TLCD2: variants seen among roughly 807,000 people sequenced by gnomAD.
TLCD2 encodes the protein TLC domain-containing protein 2.
Under a neutral mutation model 14.0 loss-of-function variants are expected in TLCD2, and 12 were observed. The ratio of observed to expected loss-of-function variants is 0.86; its 90% CI spans 0.55 to 1.39. The LOEUF is 1.39. Ranked by LOEUF, TLCD2 falls within the 40% of genes most tolerant of loss-of-function variation. TLCD2 has a pLI of 0.00. For missense variants in TLCD2, 360 were observed against 346.8 expected (o/e 1.04, Z -0.30); for synonymous variants, 166 against 156.5 (o/e 1.06, Z -0.45).
chr17:1,707,873 G>A lies in TLCD2; in HGVS notation c.692C>T (p.Pro231Leu). 1 of 1,537,222 alleles carries A rather than the reference G, an allele frequency of 6.5e-7. No homozygotes were observed. The highest frequency in any genetic ancestry group is 8.7e-7 in the Non-Finnish European group (1 of 1,146,914). Residue 231 changes from proline to leucine, a missense_variant, in exon 4 of 4, where the codon CCC becomes CTC. Physicochemically the swap from Pro to Leu is moderately conservative, Grantham distance 98. Transcript: ENST00000330676. ...ILVNDVLQSR[P>L]HPPSPGHEKT... ...CTCATGGCCAGGGCTGGGTGGATGG[G>A]GTCGAGACTGTAGGACATCATTGAC...
chr17:1,709,187 G>A (rs867049977), intron 3 of TLCD2, among the ~76,000 whole-genome samples: 2 of 152,042 alleles, frequency 1.3e-5, no homozygotes, highest in Non-Finnish European at 1.5e-5. Flanking sequence ...TCAGAAGTTC[G>A]AGACCAGCCT....
At chr17:1,708,306 T>C (rs1490115810) in intron 3 of TLCD2, 84 bp from the exon 4 acceptor site, 11 of 1,088,646 alleles carry the variant, frequency 1.0e-5, no homozygotes, top group Non-Finnish European at 1.4e-5. Flanking sequence ...AGAAAGAGGC[T>C]TCCACGCAGT....
Position 1,707,926 on chromosome 17 carries a change from C to T in TLCD2, c.639G>A (p.Met213Ile). ...GAATACGGATCCCCAATATGATGCT[C>T]ATGATGCCCACAGTGACCAGCCCAA... is the stretch of plus-strand genomic sequence containing the variant. ...GGIGLVTVGI[M>I]SIILGIRILV... Residue 213 changes from methionine (M) to isoleucine (I), a missense_variant, in exon 4 of 4, where the codon ATG (methionine) becomes ATA (isoleucine). Transcript: ENST00000330676. 6.5e-7 allele frequency: 1 copy of T among 1,537,314 alleles called. No individual in the cohort carries two copies. The highest frequency in any genetic ancestry group is 8.7e-7 in the Non-Finnish European group (1 of 1,146,926).
In TLCD2 at chr17:1,708,122, C is replaced by T. The variant is rs542227481; in HGVS notation, c.443G>A (p.Arg148Gln). ...CTGGCGAGAAAGCAACAGCAGCTTC[C>T]GCAGGTGCAAGCAGGCAGAGTTCAG... Reference protein sequence around the residue: ...LELNSACLHLRKLLLLSRQAP... With the variant: ...LELNSACLHLQKLLLLSRQAP... The change falls in exon 4 of 4, where the codon CGG (arginine) becomes CAG (glutamine). Residue 148 changes from arginine (R) to glutamine (Q), a missense_variant. Transcript: ENST00000330676. 37 of 1,536,968 alleles carry T rather than the reference C, an allele frequency of 2.4e-5. No individual in the cohort carries two copies. Among genetic ancestry groups the T allele is most frequent in the East Asian group, 1.5e-4 (6 of 40,910 alleles).
chr17:1,707,657 T>G lies in TLCD2; in HGVS notation c.*113A>C. 1.5e-5 allele frequency: 12 copies of G among 805,290 alleles called. No homozygotes were observed. Among genetic ancestry groups the G allele is most frequent in the Non-Finnish European group, 2.2e-5 (12 of 543,464 alleles). 49.9% of individuals were successfully genotyped at this position (805,290 alleles called of 1,614,324 possible). A position where few individuals can be genotyped will look rare whatever the true frequency, so the allele number is the denominator to read the frequency against. On this transcript the variant is annotated 3_prime_UTR_variant, in exon 4 of 4. Coordinates refer to ENST00000330676, the MANE Select transcript of TLCD2 (RefSeq NM_001164407.2). ...GATGTGAGTTAGCTGGAAGAGAAAC[T>G]GAGATTCTGATGAGCAAGTCTGGCC...
At chr17:1,709,943 G>T in intron 1 of TLCD2, 57 bp from the exon 2 acceptor site, 8 of 1,512,982 alleles carry the variant, frequency 5.3e-6, no homozygotes, top group South Asian at 1.2e-5. Flanking sequence ...CGAGGCCCCG[G>T]CCGCAGTCTC....
Position 1,710,283 on chromosome 17 carries a change from C to A in TLCD2, c.-41G>T, listed in dbSNP as rs762459310. On this transcript the variant is annotated 5_prime_UTR_variant, in exon 1 of 4. Transcript: ENST00000330676. The surrounding 1 kb of genome is among the most constrained non-coding windows in gnomAD (Gnocchi z 6.1). The stretch of plus-strand genomic sequence containing the variant: ...GGGTTGCGGGGAGTCCGGGTCGGTC[C>A]CCTCGGCGCCCGCGCTCTCGGCCGG... 1.3e-5 allele frequency: 18 copies of A among 1,424,732 alleles called. No homozygotes were observed. The South Asian group carries it at 2.5e-4, about 20-fold the overall frequency. The allele number at this position is 1,424,732 out of a possible 1,614,324, so 88.3% of individuals were successfully genotyped here. A position where few individuals can be genotyped will look rare whatever the true frequency, so the allele number is the denominator to read the frequency against.
rs1254633086 is a variant in TLCD2 at position 1,710,079 on chromosome 17, C to T, written c.164G>A (p.Gly55Glu). ...CCCAAGCCCGCACCCGAGCAGCGCC[C>T]CGGTCCCCGAGAGCAGGCTGTGCGC... The part of the protein sequence containing the change: ...SLAHSLLSGT[G>E]ALLGLSLYPQ... The change falls in exon 1 of 4, where the codon GGG becomes GAG. Residue 55 changes from glycine to glutamate, a missense_variant. By Grantham distance (98) the Gly-to-Glu change is moderately conservative. Transcript: ENST00000330676. The surrounding 1 kb of genome is among the most constrained non-coding windows in gnomAD (Gnocchi z 6.1). 3 of 1,533,086 alleles carry T rather than the reference C, an allele frequency of 2.0e-6. No individual in the cohort carries two copies. Among genetic ancestry groups the T allele is most frequent in the East Asian group, 2.4e-5 (1 of 40,880 alleles). The allele number at this position is 1,533,086 out of a possible 1,614,324, so 95.0% of individuals were successfully genotyped here.
At chr17:1,708,300 AGAGGCT>A in intron 3 of TLCD2, 78 bp from the exon 4 acceptor site, 1 of 1,165,742 alleles carries the variant, frequency 8.6e-7, no homozygotes. Context: ...GCCTGAAGAA[AGAGGCT>A]TCCACGCAGT....
chr17:1,707,781 G>C lies in TLCD2; in HGVS notation c.784C>G (p.Leu262Val), dbSNP rs749209251. 1.3e-6 allele frequency: 2 copies of C among 1,494,362 alleles called. No homozygotes were observed. Among genetic ancestry groups the C allele is most frequent in the South Asian group, 2.6e-5 (2 of 76,374 alleles). The allele number at this position is 1,494,362 out of a possible 1,614,324, so 92.6% of individuals were successfully genotyped here. The change falls in exon 4 of 4, where the codon CTG (leucine) becomes GTG (valine). Residue 262 changes from leucine (L) to valine (V), a missense_variant. Leu to Val is a conservative substitution (Grantham distance 32, BLOSUM62 1). Coordinates refer to ENST00000330676, the MANE Select transcript of TLCD2 (RefSeq NM_001164407.2). ...CCCATGGCTTCTCTCTAGTCTTTCA[G>C]GCTGAGAGTCGAACTGTTGCTGGTG... is the stretch of plus-strand genomic sequence containing the variant. The part of the protein sequence containing the change: ...PVTSNSSTLS[L>V]KD
chr17:1,708,611 A>T (rs894049672), intron 3 of TLCD2, among the ~76,000 whole-genome samples: 3 of 150,072 alleles, frequency 2.0e-5, no homozygotes, highest in African/African-American at 7.4e-5. Flanking sequence ...CTCAGCTTCC[A>T]GAGTAGCTGG....
In TLCD2 at chr17:1,710,133, C is replaced by T. The variant is rs1354402732; in HGVS notation, c.110G>A (p.Trp37Ter). The T allele has an allele frequency of 1.3e-6, 2 of 1,533,362 alleles. No homozygotes were observed. The highest frequency in any genetic ancestry group is 1.2e-5 in the South Asian group (1 of 83,958). The allele number at this position is 1,533,362 out of a possible 1,614,324, so 95.0% of individuals were successfully genotyped here. ...PTPESAARDR[W>*]QWWNLCVSLA... ...GGAGACGCAGAGGTTCCACCACTGCCAGCGGTCCCGAGCGGCCGATTCCGG... is the reference window on the plus strand; with the variant it reads ...GGAGACGCAGAGGTTCCACCACTGCTAGCGGTCCCGAGCGGCCGATTCCGG... The change falls in exon 1 of 4, where the codon TGG (tryptophan) becomes TAG (stop). Residue 37 changes from tryptophan to a stop codon, truncating the protein, a stop_gained. Transcript: ENST00000330676. LOFTEE classifies it high-confidence loss of function. This position sits in a 1 kb window ranked among gnomAD's most constrained non-coding sequence, Gnocchi z 6.1.
Position 1,707,554 on chromosome 17 carries a change from C to T in TLCD2, c.*216G>A, listed in dbSNP as rs549534877. The T allele has an allele frequency of 1.0e-4, 51 of 499,940 alleles. No individual in the cohort carries two copies. The highest frequency in any genetic ancestry group is 7.0e-4 in the African/African-American group (36 of 51,432). The allele number at this position is 499,940 out of a possible 1,614,324, so 31.0% of individuals were successfully genotyped here. A position where few individuals can be genotyped will look rare whatever the true frequency, so the allele number is the denominator to read the frequency against. On this transcript the variant is annotated 3_prime_UTR_variant, in exon 4 of 4. Coordinates refer to ENST00000330676, the MANE Select transcript of TLCD2 (RefSeq NM_001164407.2). ...GCTGGAAAGGATGCTCATCTGATGA[C>T]GGATTTCAGTGAACAGAAACCCAGG...
Position 1,709,791 on chromosome 17 carries a change from C to T in TLCD2, c.259+13G>A. On this transcript the variant is annotated intron_variant, in intron 2 of 3. Coordinates refer to ENST00000330676, the MANE Select transcript of TLCD2 (RefSeq NM_001164407.2). ...CATCCCCACCACCGGCCCAGCCTTC[C>T]CTGCAGACTCACCCACAGACACAGC... is the stretch of plus-strand genomic sequence containing the variant. 6.7e-7 allele frequency: 1 copy of T among 1,495,390 alleles called. No homozygotes were observed. Among genetic ancestry groups the T allele is most frequent in the East Asian group, 2.5e-5 (1 of 40,732 alleles). The allele number at this position is 1,495,390 out of a possible 1,614,324, so 92.6% of individuals were successfully genotyped here.
chr17:1,709,363 C>T (rs1372023547), intron 3 of TLCD2, 136 bp downstream of exon 3: 1 of 700,570 alleles, frequency 1.4e-6, no homozygotes, highest in African/African-American at 2.0e-5. Context: ...GGACCCCAGC[C>T]TGGGTGACAG....
Position 1,704,228 on chromosome 17 carries a change from A to C in TLCD2, c.*3542T>G, listed in dbSNP as rs1740555022. 1 of 148,548 alleles carries C rather than the reference A, an allele frequency of 6.7e-6. No individual in the cohort carries two copies. Among genetic ancestry groups the C allele is most frequent in the African/African-American group, 2.4e-5 (1 of 40,922 alleles). 9.2% of individuals were successfully genotyped at this position (148,548 alleles called of 1,614,324 possible). On this transcript the variant is annotated 3_prime_UTR_variant, in exon 4 of 4. Transcript: ENST00000330676. ...CAGCAAGAATGAAACTGTCTCAAAA[A>C]AAAAAAAAAAAAAAGAAGAAAAGAA... is the stretch of plus-strand genomic sequence containing the variant.
intron 3 of TLCD2, among the ~76,000 whole-genome samples, chr17:1,709,114 G>A (rs1270183927): frequency 6.6e-6 from 1 of 152,124 alleles, no homozygotes; most frequent in African/African-American, 2.4e-5. Context: ...GAGGGCCGGG[G>A]GCGGTGGCTC....
rs962039564 is a variant in TLCD2, at chr17:1,710,049, G to C, written c.176+18C>G. On this transcript the variant is annotated intron_variant, in intron 1 of 3. Transcript: ENST00000330676. The surrounding 1 kb of genome is among the most constrained non-coding windows in gnomAD (Gnocchi z 6.1). ...CCCTCGCCCTCGCCCCGTGCGCCTC[G>C]AGCCCCCAAGCCCGCACCCGAGCAG... 17 of 1,531,148 alleles carry C rather than the reference G, an allele frequency of 1.1e-5. No homozygotes were observed. The highest frequency in any genetic ancestry group is 1.5e-5 in the Non-Finnish European group (17 of 1,145,350). The allele number at this position is 1,531,148 out of a possible 1,614,324, so 94.8% of individuals were successfully genotyped here. A position where few individuals can be genotyped will look rare whatever the true frequency, so the allele number is the denominator to read the frequency against.
In TLCD2 at chr17:1,710,248, G is replaced by A; in HGVS notation, c.-6C>T. ...AGGAGCCCCGTGGGCGCCATGGCCT[G>A]GCGGTTGGGGGGTTGCGGGGAGTCC... On this transcript the variant is annotated 5_prime_UTR_variant, in exon 1 of 4. Coordinates refer to ENST00000330676, the MANE Select transcript of TLCD2 (RefSeq NM_001164407.2). The surrounding 1 kb of genome is among the most constrained non-coding windows in gnomAD (Gnocchi z 6.1). The A allele has an allele frequency of 6.6e-7, 1 of 1,517,986 alleles. No homozygotes were observed. The highest frequency in any genetic ancestry group is 2.3e-4 in the Middle Eastern group (1 of 4,312). 94.0% of individuals were successfully genotyped at this position (1,517,986 alleles called of 1,614,324 possible). A position where few individuals can be genotyped will look rare whatever the true frequency, so the allele number is the denominator to read the frequency against.
Sources: allele counts gnomAD v4.1 joint callset (sites outside exome capture counted in the v4.1 genomes callset), GRCh38; gene constraint gnomAD v4.1.1; non-coding constraint Gnocchi (gnomAD v3.1); transcripts MANE v1.5; gene names NCBI Gene and HGNC (gene_info 2026-07-23, HGNC 2026-07-21).